SOX6: variants seen among roughly 807,000 people sequenced by gnomAD.
SOX6 encodes the protein SRY-box transcription factor 6.
A neutral mutation model predicts 97.8 loss-of-function variants in SOX6; 11 were observed. The observed-to-expected ratio is 0.11, with a 90% CI of 0.07 to 0.19. The LOEUF is 0.19. Among genes scored for constraint, SOX6 ranks in the 10% least tolerant of loss-of-function variants. The probability of loss-of-function intolerance (pLI) is 1.00; values close to 1 mark genes in which losing one functional copy is unlikely to be tolerated. For synonymous variants in SOX6, 360 were observed against 371.4 expected (o/e 0.97, Z 0.35); for missense variants, 810 against 1,039.5 (o/e 0.78, Z 3.04).
Position 16,336,218 on chromosome 11 carries a change from T to C in SOX6, c.237+4794A>G, listed in dbSNP as rs570725622. Among the ~76,000 whole-genome samples the C allele has an allele frequency of 3.3e-5, 5 of 152,302 alleles. 1 individual carries two copies. The South Asian group carries it at 1.0e-3, about 32-fold the overall frequency. On this transcript the variant is annotated intron_variant, in intron 2 of 15. Coordinates refer to ENST00000683767, the MANE Select transcript of SOX6 (RefSeq NM_001367873.1). ...ATTTTGTATCTCATAAGAGTGTTGG[T>C]GCCTTACCCACATCTCCATGGCCTA...
intron 9 of SOX6, among the ~76,000 whole-genome samples, chr11:16,056,445 AC>A (rs1287374520): frequency 6.6e-6 from 1 of 152,104 alleles, no homozygotes; most frequent in Non-Finnish European, 1.5e-5. Flanking sequence ...GTCATTGTTT[AC>A]CCAGGGTCTT....
chr11:16,146,579 GA>G (rs1307337186), intron 6 of SOX6, among the ~76,000 whole-genome samples: 3 of 152,036 alleles, frequency 2.0e-5, no homozygotes, highest in Non-Finnish European at 4.4e-5. Flanking sequence ...TACAGAATGG[GA>G]GAAAATTTTT....
chr11:16,304,735 T>C (rs930578431), intron 3 of SOX6, among the ~76,000 whole-genome samples: 1 of 152,178 alleles, frequency 6.6e-6, no homozygotes, highest in African/African-American at 2.4e-5. Context: ...GTTTTTTGTT[T>C]TGTTCTGTTT....
At chr11:16,493,373 G>A (rs907832048) in intron 4 of SOX6, among the ~76,000 whole-genome samples, 4 of 152,184 alleles carry the variant, frequency 2.6e-5, no homozygotes, top group Admixed American at 2.0e-4. Flanking sequence ...GTAAAGAACA[G>A]ACAGATCCAA....
chr11:16,138,612 C>CAT (rs1379079258), intron 6 of SOX6, among the ~76,000 whole-genome samples: 3 of 151,542 alleles, frequency 2.0e-5, no homozygotes, highest in Non-Finnish European at 4.4e-5. Context: ...AGGTTTATTA[C>CAT]ATATGTATAC....
intron 13 of SOX6, among the ~76,000 whole-genome samples, chr11:16,010,296 T>C (rs954203052): frequency 6.6e-6 from 1 of 152,010 alleles, no homozygotes; most frequent in African/African-American, 2.4e-5. Context: ...GTATTCTTGG[T>C]ACACATATCT....
intron 1 of SOX6, among the ~76,000 whole-genome samples, chr11:16,406,943 C>T (rs1365565778): frequency 6.6e-6 from 1 of 152,058 alleles, no homozygotes; most frequent in African/African-American, 2.4e-5. Context: ...ACCTTATCTC[C>T]ATTGACTTCC....
At chr11:16,628,556 G>A (rs571233272) in intron 3 of SOX6, among the ~76,000 whole-genome samples, 1 of 150,866 alleles carries the variant, frequency 6.6e-6, no homozygotes, top group South Asian at 2.1e-4. Flanking sequence ...CCAGGAGGCG[G>A]AGGTTGCAGT....
intron 13 of SOX6, 40 bp from the exon 14 acceptor site, chr11:15,989,270 C>A: frequency 6.6e-7 from 1 of 1,523,372 alleles, no homozygotes; most frequent in Non-Finnish European, 8.9e-7. Context: ...GAGTGGAAAG[C>A]GTTATTTTGT....
At chr11:16,372,796 C>T (rs980807522) in intron 1 of SOX6, among the ~76,000 whole-genome samples, 17 of 151,904 alleles carry the variant, frequency 1.1e-4, no homozygotes, top group African/African-American at 3.9e-4. Context: ...CAGCTGGACA[C>T]GTGGATGGAA....
chr11:16,160,262 G>A (rs1850713915), intron 6 of SOX6, among the ~76,000 whole-genome samples: 1 of 152,148 alleles, frequency 6.6e-6, no homozygotes, highest in South Asian at 2.1e-4. Context: ...CCTGAAGTCA[G>A]TGTCTAATTT....
intron 12 of SOX6, among the ~76,000 whole-genome samples, chr11:16,034,586 T>A (rs1855467298): frequency 6.6e-6 from 1 of 151,984 alleles, no homozygotes; most frequent in African/African-American, 2.4e-5. Flanking sequence ...ATGTGCAAAG[T>A]TTTCACATAT....
intron 1 of SOX6, among the ~76,000 whole-genome samples, chr11:16,736,717 CTG>C (rs1480951270): frequency 6.6e-6 from 1 of 152,192 alleles, no homozygotes; most frequent in Admixed American, 6.5e-5. Context: ...CTGCAAAACT[CTG>C]TAACTTAAAT....
intron 3 of SOX6, among the ~76,000 whole-genome samples, chr11:16,700,656 T>C (rs551768679): frequency 5.8e-4 from 88 of 152,292 alleles, no homozygotes; most frequent in Non-Finnish European, 1.0e-3. Flanking sequence ...CCCACTCTAC[T>C]TTAGGGTCTC....
At chr11:16,738,474 C>T in exon 1 of SOX6, 1 of 464,216 alleles carries the variant, frequency 2.2e-6, no homozygotes, top group Non-Finnish European at 4.0e-6. Flanking sequence ...AAGGCGGGGC[C>T]TCTGAGGGCA....
intron 3 of SOX6, among the ~76,000 whole-genome samples, chr11:16,650,767 C>T (rs892781234): frequency 6.0e-5 from 9 of 150,414 alleles, no homozygotes; most frequent in Non-Finnish European, 1.3e-4. Context: ...AAGAAATAAC[C>T]AAGATCAGAG....
At chr11:15,987,902 T>C (rs1260027798) in intron 14 of SOX6, among the ~76,000 whole-genome samples, 1 of 152,166 alleles carries the variant, frequency 6.6e-6, no homozygotes, top group Non-Finnish European at 1.5e-5. Context: ...ATTTAACATT[T>C]CACCACTATT....
chr11:16,348,381 T>C (rs1004374059), intron 1 of SOX6, among the ~76,000 whole-genome samples: 1 of 152,120 alleles, frequency 6.6e-6, no homozygotes, highest in African/African-American at 2.4e-5. Flanking sequence ...ATCAGCAAAG[T>C]GCAAACATAA....
intron 1 of SOX6, among the ~76,000 whole-genome samples, chr11:16,342,964 AT>A (rs1165433261): frequency 6.6e-6 from 1 of 151,894 alleles, no homozygotes; most frequent in Non-Finnish European, 1.5e-5. Context: ...AATGCCTATA[AT>A]TTCTTTGAGA....
Sources: gnomAD v4.1 joint callset for allele counts (sites outside exome capture counted in the v4.1 genomes callset) on GRCh38, gnomAD v4.1.1 for gene constraint, MANE v1.5 for transcripts, NCBI Gene and HGNC (gene_info 2026-07-23, HGNC 2026-07-21) for gene names.